PMPCB: variants seen among roughly 807,000 people sequenced by gnomAD.
PMPCB encodes peptidase, mitochondrial processing subunit beta, also known as mitochondrial-processing peptidase subunit beta.
In PMPCB, 46 loss-of-function variants were observed where a neutral mutation model predicts 61.5. The observed-to-expected ratio is 0.75, with a 90% CI of 0.59 to 0.96. The LOEUF is 0.96. Among genes scored for constraint, PMPCB ranks in the 40% least tolerant of loss-of-function variants. PMPCB has a pLI of 0.00. For missense variants in PMPCB, 590 were observed against 602.4 expected, an observed-to-expected ratio of 0.98 and a Z score of 0.22; for synonymous variants, 191 against 201.6, an observed-to-expected ratio of 0.95 and a Z score of 0.44.
chr7:103,303,628 C>A (rs145802592), intron 4 of PMPCB, among the ~76,000 whole-genome samples: 1 of 152,050 alleles, frequency 6.6e-6, no homozygotes, highest in Non-Finnish European at 1.5e-5. Flanking sequence ...CAAATTTATA[C>A]TTTTTCCCCA....
chr7:103,303,331 G>A (rs1023766771), intron 4 of PMPCB, among the ~76,000 whole-genome samples: 11 of 152,290 alleles, frequency 7.2e-5, no homozygotes, highest in African/African-American at 2.6e-4. Context: ...TCCCCAGGTT[G>A]GTCTGGAACT....
At chr7:103,298,773 A>AT in intron 2 of PMPCB, 65 bp downstream of exon 2, 3 of 1,497,832 alleles carry the variant, frequency 2.0e-6, no homozygotes, top group Non-Finnish European at 2.7e-6. Flanking sequence ...GTTGATTTTA[A>AT]TCTTTAGCTT....
chr7:103,325,388 G>T (rs552889501), intron 12 of PMPCB, among the ~76,000 whole-genome samples: 14 of 151,730 alleles, frequency 9.2e-5, no homozygotes, highest in African/African-American at 3.4e-4. Flanking sequence ...GGTGAGCCGA[G>T]ATTGTGCCAC....
At chr7:103,343,361 A>G in the PMPCB span, among the ~76,000 whole-genome samples, 4 of 152,368 alleles carry the variant, frequency 2.6e-5, no homozygotes, top group Admixed American at 2.0e-4. Context: ...TTAAGAATTC[A>G]CTAACAAGAA....
chr7:103,322,095 G>C, intron 12 of PMPCB: 2 of 1,587,630 alleles, frequency 1.3e-6, no homozygotes, highest in African/African-American at 1.4e-5. Context: ...TAAAAAAAGG[G>C]AGTAAAATCA....
intron 7 of PMPCB, among the ~76,000 whole-genome samples, chr7:103,308,146 C>T (rs1485419855): frequency 1.3e-5 from 2 of 152,186 alleles, no homozygotes; most frequent in African/African-American, 4.8e-5. Context: ...AGAGCCAGAA[C>T]TTGCAGGGGA....
chr7:103,346,972 T>G, the PMPCB span, among the ~76,000 whole-genome samples: 4 of 152,240 alleles, frequency 2.6e-5, no homozygotes, highest in African/African-American at 9.7e-5. Flanking sequence ...TGTACAAATA[T>G]CTCTTTGAGA....
chr7:103,310,178 ACT>A (rs1229657620), intron 8 of PMPCB, 135 bp from the exon 9 acceptor site: 1 of 640,884 alleles, frequency 1.6e-6, no homozygotes, highest in Admixed American at 2.9e-5. Flanking sequence ...CTGAATTTTA[ACT>A]CTACTACTGA....
At position 103,299,548 on chromosome 7, in the gene PMPCB, C is replaced by T; in HGVS notation, c.327+19C>T. 7.0e-7 allele frequency: 1 copy of T among 1,434,928 alleles called. No individual in the cohort carries two copies. Among genetic ancestry groups the T allele is most frequent in the Non-Finnish European group, 9.8e-7 (1 of 1,022,254 alleles). 88.9% of individuals were successfully genotyped at this position (1,434,928 alleles called of 1,614,324 possible). A position where few individuals can be genotyped will look rare whatever the true frequency, so the allele number is the denominator to read the frequency against. On this transcript the variant is annotated intron_variant, in intron 3 of 12. Transcript: ENST00000249269. ...TTTCAAGGCAAGTTGTAAGACTTTA[C>T]AAAAATGCACTCTCTTTAAGAGATA...
chr7:103,322,703 C>G, intron 12 of PMPCB: 5 of 1,612,484 alleles, frequency 3.1e-6, no homozygotes, highest in Non-Finnish European at 4.2e-6. Context: ...TTCTACTTAC[C>G]AACTAATGTT....
At chr7:103,301,226 C>T (rs1317608999) in intron 4 of PMPCB, among the ~76,000 whole-genome samples, 7 of 152,276 alleles carry the variant, frequency 4.6e-5, no homozygotes, top group East Asian at 1.9e-4. Flanking sequence ...GACTCAAGTG[C>T]GTGTCTTCTT....
chr7:103,347,238 C>T, the PMPCB span, among the ~76,000 whole-genome samples: 3 of 152,284 alleles, frequency 2.0e-5, no homozygotes, highest in Admixed American at 1.3e-4. Flanking sequence ...TTAATAATAG[C>T]TATCTTAATA....
chr7:103,340,140 T>A, the PMPCB span, among the ~76,000 whole-genome samples: 1 of 152,194 alleles, frequency 6.6e-6, no homozygotes, highest in African/African-American at 2.4e-5. Flanking sequence ...ACCCTGCCTC[T>A]TTTTCCCTCT....
At chr7:103,317,720 T>C (rs1190776777), downstream of PMPCB, among the ~76,000 whole-genome samples, 2 of 152,150 alleles carry the variant, frequency 1.3e-5, no homozygotes, top group Non-Finnish European at 2.9e-5. Flanking sequence ...GTGTGATTTC[T>C]GCTTACTGCA....
At chr7:103,329,235 C>G (rs1484531048) in exon 13 of PMPCB, 1 of 235,910 alleles carries the variant, frequency 4.2e-6, no homozygotes, top group Non-Finnish European at 8.4e-6. Context: ...ACCAGTTAAT[C>G]TTCTCCATGA....
intron 4 of PMPCB, 118 bp from the exon 5 acceptor site, chr7:103,303,724 C>G (rs1218765254): frequency 3.1e-6 from 2 of 652,650 alleles, no homozygotes; most frequent in Non-Finnish European, 5.2e-6. Flanking sequence ...TTCTCCTAGG[C>G]TAATCATTTA....
At chr7:103,320,830 C>CTTTTTT (rs745754898) in intron 12 of PMPCB, 60 of 113,760 alleles carry the variant, frequency 5.3e-4, no homozygotes, top group Non-Finnish European at 6.4e-4. Context: ...CTCAGCATGT[C>CTTTTTT]TTTTTTTTTT....
At chr7:103,336,921 A>G in the PMPCB span, 91 of 152,310 alleles carry the variant, frequency 6.0e-4, no homozygotes, top group African/African-American at 2.0e-3. Context: ...AATTTTTACC[A>G]CAGGCATTCT....
chr7:103,311,492 G>T, intron 9 of PMPCB, 151 bp from the exon 10 acceptor site: 1 of 615,514 alleles, frequency 1.6e-6, no homozygotes, highest in Non-Finnish European at 2.9e-6. Context: ...ATTAATACTG[G>T]GGAAAATAAT....
Sources: gnomAD v4.1 joint callset for allele counts (sites outside exome capture counted in the v4.1 genomes callset) on GRCh38, gnomAD v4.1.1 for gene constraint, MANE v1.5 for transcripts, NCBI Gene and HGNC (gene_info 2026-07-23, HGNC 2026-07-21) for gene names.